AGO3: variants seen among roughly 807,000 people sequenced by gnomAD.
The protein encoded by AGO3 is protein argonaute-3.
Under a neutral mutation model 105.5 loss-of-function variants are expected in AGO3, and 16 were observed. The ratio of observed to expected loss-of-function variants is 0.15; its 90% CI spans 0.10 to 0.23. The LOEUF is 0.23. Ranked by LOEUF, AGO3 falls within the 10% of genes least tolerant of loss-of-function variation. The pLI is 1.00. For missense variants in AGO3, 534 were observed against 1,088.0 expected, an observed-to-expected ratio of 0.49 and a Z score of 7.16; for synonymous variants, 340 against 367.3, an observed-to-expected ratio of 0.93 and a Z score of 0.85.
chr1:36,034,146 G>T, intron 12 of AGO3, 28 bp from the exon 13 acceptor site: 1 of 1,479,978 alleles, frequency 6.8e-7, no homozygotes, highest in South Asian at 1.4e-5. Flanking sequence ...CTTTTTTTCT[G>T]ACTAGAGGTT....
chr1:35,966,860 T>C, intron 2 of AGO3, 95 bp from the exon 3 acceptor site: 10 of 1,337,118 alleles, frequency 7.5e-6, no homozygotes, highest in Non-Finnish European at 9.9e-6. Context: ...TTTAGAATTT[T>C]GACAGCTTTA....
At chr1:35,945,584 G>A (rs963256979) in intron 1 of AGO3, 108 bp from the exon 2 acceptor site, 4 of 1,104,332 alleles carry the variant, frequency 3.6e-6, no homozygotes, top group Non-Finnish European at 5.2e-6. Context: ...GCAGAACTAG[G>A]TTTTAGCCAT....
intron 11 of AGO3, among the ~76,000 whole-genome samples, chr1:36,020,234 C>T (rs1641145607): frequency 6.6e-6 from 1 of 152,222 alleles, no homozygotes. Context: ...AATTTTCTTT[C>T]TCCAATGGAG....
At chr1:35,989,113 G>A (rs1250123484) in intron 5 of AGO3, among the ~76,000 whole-genome samples, 2 of 152,184 alleles carry the variant, frequency 1.3e-5, no homozygotes, top group African/African-American at 4.8e-5. Context: ...TGCAATGGAA[G>A]CATAAAAGGG....
chr1:36,028,266 C>CT (rs1290606755), intron 12 of AGO3, among the ~76,000 whole-genome samples: 1 of 150,982 alleles, frequency 6.6e-6, no homozygotes, highest in African/African-American at 2.4e-5. Flanking sequence ...TTTTATTATA[C>CT]TTTAAGTTTT....
intron 2 of AGO3, among the ~76,000 whole-genome samples, 168 bp from the exon 3 acceptor site, chr1:35,966,783 TAATC>T (rs1180504617): frequency 6.6e-6 from 1 of 152,220 alleles, no homozygotes. Context: ...CTTTTGGCAA[TAATC>T]AATCTTTTTG....
At position 36,036,164 on chromosome 1, in the gene AGO3, A is replaced by G; in HGVS notation, c.1752-13A>G. 1 of 1,612,070 alleles carries G rather than the reference A, an allele frequency of 6.2e-7. No homozygotes were observed. Among genetic ancestry groups the G allele is most frequent in the Non-Finnish European group, 8.5e-7 (1 of 1,178,674 alleles). Reference sequence around the variant, plus strand: ...AAATGAAATATCTAACCCTTTTTCAAAATGTGTTTAAGACCTTCTGTGTTC... The same window carrying G: ...AAATGAAATATCTAACCCTTTTTCAGAATGTGTTTAAGACCTTCTGTGTTC... On this transcript the variant is annotated splice_polypyrimidine_tract_variant and intron_variant, in intron 13 of 18. Transcript: ENST00000373191.
intron 12 of AGO3, among the ~76,000 whole-genome samples, chr1:36,029,391 C>CTTT (rs71034710): frequency 4.6e-4 from 56 of 121,654 alleles, no homozygotes; most frequent in Non-Finnish European, 6.2e-4. Flanking sequence ...CTCTTTCTTT[C>CTTT]TTTTTTTTTT....
chr1:35,934,988 T>G (rs377089599), intron 1 of AGO3, among the ~76,000 whole-genome samples: 2 of 152,172 alleles, frequency 1.3e-5, no homozygotes, highest in African/African-American at 4.8e-5. Flanking sequence ...GTTCTTTGCC[T>G]TGAAGAAAAA....
intron 11 of AGO3, among the ~76,000 whole-genome samples, chr1:36,022,032 C>G (rs368765084): frequency 6.7e-6 from 1 of 149,816 alleles, no homozygotes; most frequent in Non-Finnish European, 1.5e-5. Context: ...AATAGGCATC[C>G]GCATCCTTGG....
intron 1 of AGO3, among the ~76,000 whole-genome samples, chr1:35,934,852 A>C (rs887042688): frequency 1.3e-5 from 2 of 152,106 alleles, no homozygotes; most frequent in Non-Finnish European, 2.9e-5. Context: ...GGGTTTCACC[A>C]TGTTGGCCAG....
intron 5 of AGO3, among the ~76,000 whole-genome samples, chr1:35,991,750 A>G (rs994745377): frequency 2.6e-5 from 4 of 152,102 alleles, no homozygotes; most frequent in African/African-American, 9.7e-5. Context: ...TATCTTTCAT[A>G]GCATGCTATT....
intron 1 of AGO3, among the ~76,000 whole-genome samples, chr1:35,939,109 T>C (rs1646206746): frequency 6.6e-6 from 1 of 152,224 alleles, no homozygotes; most frequent in African/African-American, 2.4e-5. Flanking sequence ...TAGTGGGCAG[T>C]ATGTATTTGT....
rs577037874 is a variant in AGO3 at position 35,940,984 on chromosome 1, C to T, written c.20-4708C>T. On this transcript the variant is annotated intron_variant, in intron 1 of 18. Transcript: ENST00000373191. Reference sequence around the variant, plus strand: ...AACACTTCTATGCTGAGGACACCCACATTTACACCTCCAGCCTGGACCTCT... The same window carrying T: ...AACACTTCTATGCTGAGGACACCCATATTTACACCTCCAGCCTGGACCTCT... 1.7e-3 allele frequency among the ~76,000 whole-genome samples: 264 copies of T among 152,152 alleles called. 1 individual carries two copies. The highest frequency in any genetic ancestry group is 2.6e-3 in the Non-Finnish European group (176 of 68,010).
intron 2 of AGO3, among the ~76,000 whole-genome samples, chr1:35,965,874 G>T (rs1178237277): frequency 6.9e-6 from 1 of 144,234 alleles, no homozygotes; most frequent in African/African-American, 2.6e-5. Flanking sequence ...TGCCCAGGCT[G>T]GAGTTCAATG....
At chr1:35,957,478 C>T (rs1247871654) in intron 2 of AGO3, among the ~76,000 whole-genome samples, 1 of 152,122 alleles carries the variant, frequency 6.6e-6, no homozygotes, top group East Asian at 1.9e-4. Context: ...GTAATCCCAG[C>T]ACTTTGCGAG....
chr1:35,954,308 CTATAA>C (rs149587650), intron 2 of AGO3, among the ~76,000 whole-genome samples: 7,258 of 152,008 alleles, frequency 0.048, 555 homozygotes, highest in African/African-American at 0.16. Context: ...ACTAATATTC[CTATAA>C]TATATTTGAA....
At chr1:35,975,848 A>G (rs201310847) in intron 5 of AGO3, among the ~76,000 whole-genome samples, 4 of 151,778 alleles carry the variant, frequency 2.6e-5, no homozygotes, top group East Asian at 3.8e-4. Context: ...AGAATATACT[A>G]TGTCTTTCTA....
chr1:35,936,307 A>T (rs1267540615), intron 1 of AGO3, among the ~76,000 whole-genome samples: 1 of 152,072 alleles, frequency 6.6e-6, no homozygotes, highest in Non-Finnish European at 1.5e-5. Flanking sequence ...CACACAACTG[A>T]TGCTTTCTCT....
Sources: allele counts gnomAD v4.1 joint callset (sites outside exome capture counted in the v4.1 genomes callset), GRCh38; gene constraint gnomAD v4.1.1; transcripts MANE v1.5; gene names NCBI Gene and HGNC (gene_info 2026-07-23, HGNC 2026-07-21).